The following GPHN variants were observed in gnomAD, a reference collection of about 807,000 sequenced individuals.
The protein encoded by GPHN is gephyrin.
A neutral mutation model predicts 95.5 loss-of-function variants in GPHN; 17 were observed. The observed-to-expected ratio is 0.18, with a 90% CI of 0.12 to 0.27. GPHN has a LOEUF of 0.27. Among genes scored for constraint, GPHN ranks in the 10% least tolerant of loss-of-function variants. GPHN has a pLI of 1.00. For missense variants in GPHN, 660 were observed against 978.1 expected (o/e 0.67, Z 4.34); for synonymous variants, 320 against 322.5 (o/e 0.99, Z 0.08).
the GPHN span, among the ~76,000 whole-genome samples, chr14:67,303,089 A>C: frequency 1.3e-5 from 2 of 152,342 alleles, no homozygotes; most frequent in East Asian, 3.9e-4. Flanking sequence ...GCTGCATTTC[A>C]AGTGCTGAGA....
intron 10 of GPHN, among the ~76,000 whole-genome samples, chr14:67,043,255 G>A (rs763609792): frequency 6.6e-6 from 1 of 152,028 alleles, no homozygotes; most frequent in Non-Finnish European, 1.5e-5. Flanking sequence ...TGGCCAGAAC[G>A]TCCAATATTA....
chr14:67,367,898 T>C, the GPHN span, among the ~76,000 whole-genome samples: 1 of 152,012 alleles, frequency 6.6e-6, no homozygotes, highest in Non-Finnish European at 1.5e-5. Flanking sequence ...TGACCTGACA[T>C]GGAAAATATA....
At chr14:66,689,987 C>A (rs117167616) in intron 2 of GPHN, among the ~76,000 whole-genome samples, 2,023 of 151,618 alleles carry the variant, frequency 0.013, 20 homozygotes, top group Middle Eastern at 0.021. Context: ...TTTTATTGAT[C>A]TTTTCATAAA....
the GPHN span, among the ~76,000 whole-genome samples, chr14:67,497,298 A>G: frequency 6.6e-6 from 1 of 152,102 alleles, no homozygotes; most frequent in South Asian, 2.1e-4. Context: ...CCCTTTACAG[A>G]GAGGAGACCC....
chr14:67,726,883 A>T, the GPHN span: 1 of 1,091,548 alleles, frequency 9.2e-7, no homozygotes, highest in African/African-American at 1.5e-5. Flanking sequence ...GTTCACACCC[A>T]GAAGATAGTG....
intron 9 of GPHN, among the ~76,000 whole-genome samples, chr14:66,990,884 ATATT>A (rs1479500463): frequency 1.3e-5 from 2 of 151,774 alleles, no homozygotes; most frequent in African/African-American, 2.4e-5. Flanking sequence ...TTAAAATTAA[ATATT>A]TAATATAGAA....
chr14:66,618,229 T>C (rs1415081591), intron 1 of GPHN, among the ~76,000 whole-genome samples: 2 of 152,150 alleles, frequency 1.3e-5, no homozygotes, highest in Non-Finnish European at 2.9e-5. Context: ...ATAAGCATTT[T>C]AAGTGCTAGG....
chr14:66,583,940 G>A (rs1481010443), intron 1 of GPHN, among the ~76,000 whole-genome samples: 6 of 152,074 alleles, frequency 3.9e-5, no homozygotes, highest in South Asian at 2.1e-4. Context: ...TTGGTAGCTT[G>A]ATGGGGATGG....
the GPHN span, among the ~76,000 whole-genome samples, chr14:67,265,786 G>A: frequency 6.6e-6 from 1 of 151,376 alleles, no homozygotes; most frequent in Admixed American, 6.6e-5. Context: ...GAACCCGGGA[G>A]GTGGCAGTTG....
intron 8 of GPHN, among the ~76,000 whole-genome samples, chr14:66,960,209 A>T (rs1161921693): frequency 6.6e-6 from 1 of 151,042 alleles, no homozygotes; most frequent in Non-Finnish European, 1.5e-5. Flanking sequence ...TAATTAATTT[A>T]AAATCTTTGT....
intron 1 of GPHN, among the ~76,000 whole-genome samples, chr14:66,544,753 G>A (rs2059473551): frequency 6.6e-6 from 1 of 152,020 alleles, no homozygotes; most frequent in Non-Finnish European, 1.5e-5. Context: ...CAGTGTTTGT[G>A]TCCCTGGGTA....
intron 2 of GPHN, among the ~76,000 whole-genome samples, chr14:66,701,362 A>C (rs762466560): frequency 6.6e-6 from 1 of 152,206 alleles, no homozygotes; most frequent in Non-Finnish European, 1.5e-5. Flanking sequence ...ATAACTGTAC[A>C]TTTGGGTGCG....
rs112447218 is a variant in GPHN, at chr14:66,628,230, G to C, written c.65-52877G>C. Among the ~76,000 whole-genome samples, 555 of 152,252 alleles carry C rather than the reference G, an allele frequency of 3.6e-3. 12 individuals carry two copies. The highest frequency in any genetic ancestry group is 0.013 in the African/African-American group (529 of 41,570). ...TCCTTGTAGAATACAGTCATTCATT[G>C]CTTAATGATGGGGATGTGTTCTGAG... On this transcript the variant is annotated intron_variant, in intron 1 of 22. Coordinates refer to ENST00000478722, the MANE Select transcript of GPHN (RefSeq NM_020806.5).
At chr14:67,152,951 G>A (rs546174538) in intron 18 of GPHN, among the ~76,000 whole-genome samples, 3 of 139,994 alleles carry the variant, frequency 2.1e-5, no homozygotes, top group South Asian at 2.3e-4. Flanking sequence ...GTGACAGAGC[G>A]AGACTCCGTG....
At chr14:66,654,643 A>G (rs2065217083) in intron 1 of GPHN, among the ~76,000 whole-genome samples, 1 of 152,118 alleles carries the variant, frequency 6.6e-6, no homozygotes, top group South Asian at 2.1e-4. Context: ...ACACGGTGAA[A>G]GTTTTAAATT....
At chr14:67,284,793 G>A in the GPHN span, among the ~76,000 whole-genome samples, 2 of 151,644 alleles carry the variant, frequency 1.3e-5, no homozygotes, top group Non-Finnish European at 2.9e-5. Context: ...ATGTTTTCAG[G>A]GTTCATCCAT....
intron 3 of GPHN, among the ~76,000 whole-genome samples, chr14:66,789,307 C>T (rs952907047): frequency 3.3e-5 from 5 of 152,180 alleles, no homozygotes; most frequent in Non-Finnish European, 5.9e-5. Context: ...TCTTACTTTC[C>T]TTACACTTTG....
At chr14:66,773,352 CT>C (rs542180875) in intron 2 of GPHN, among the ~76,000 whole-genome samples, 22,273 of 121,652 alleles carry the variant, frequency 0.18, 2,933 homozygotes, top group African/African-American at 0.46. Context: ...TTGGGGAAAT[CT>C]TTTTTTTTTT....
intron 2 of GPHN, among the ~76,000 whole-genome samples, chr14:66,682,836 A>T (rs1848933318): frequency 6.6e-6 from 1 of 152,192 alleles, no homozygotes; most frequent in African/African-American, 2.4e-5. Context: ...ATATGATGAA[A>T]ATATTTGCTC....
Sources: allele counts gnomAD v4.1 joint callset (sites outside exome capture counted in the v4.1 genomes callset), GRCh38; gene constraint gnomAD v4.1.1; transcripts MANE v1.5; gene names NCBI Gene and HGNC (gene_info 2026-07-23, HGNC 2026-07-21).